The following FANCA variants were observed in gnomAD, a reference collection of about 807,000 sequenced individuals.
FANCA encodes Fanconi anemia group A protein.
Under a neutral mutation model 194.3 loss-of-function variants are expected in FANCA, and 236 were observed. The ratio of observed to expected loss-of-function variants is 1.21; its 90% confidence interval spans 1.09 to 1.35. The LOEUF is 1.35. Among genes scored for constraint, FANCA ranks in the 40% most tolerant of loss-of-function variants. FANCA has a pLI of 0.00. For missense variants in FANCA, 2,628 were observed against 1,813.9 expected (o/e 1.45, Z -8.15); for synonymous variants, 1,014 against 715.8 (o/e 1.42, Z -6.65).
At chr16:89,738,787 G>A (rs913443728) in intron 42 of FANCA, 79 bp from the exon 43 acceptor site, 3 of 1,613,014 alleles carry the variant, frequency 1.9e-6, no homozygotes, top group Non-Finnish European at 1.7e-6. Context: ...GGCAGAAATA[G>A]TCGAGTTGTA....
rs1365352800 is a variant in FANCA at position 89,739,214 on chromosome 16, C to A, written c.4086G>T (p.Leu1362Phe). The A allele has an allele frequency of 6.2e-7, 1 of 1,614,044 alleles. No individual in the cohort carries two copies. Among genetic ancestry groups the A allele is most frequent in the Non-Finnish European group, 8.5e-7 (1 of 1,180,048 alleles). Residue 1362 changes from leucine to phenylalanine, a missense_variant, in exon 41 of 43, where the codon TTG (leucine) becomes TTT (phenylalanine). Leu to Phe is a conservative substitution (Grantham distance 22). Coordinates refer to ENST00000389301, the MANE Select transcript of FANCA (RefSeq NM_000135.4). ...AFLHVAVDMY[L>F]KLVQLFVAGD... ...CAGCCACGAAGAGCTGGACCAGCTT[C>A]AAGTACATGTCCACAGCAACATGCA...
In FANCA at chr16:89,791,465, C is replaced by T. The variant is rs753987812; in HGVS notation, c.1297G>A (p.Val433Ile). The change falls in exon 14 of 43, where the codon GTT becomes ATT. Residue 433 changes from valine to isoleucine, a missense_variant. Val to Ile is a conservative substitution (Grantham distance 29). Coordinates refer to ENST00000389301, the MANE Select transcript of FANCA (RefSeq NM_000135.4). ...CCCTCCAGTGCTGCCTGGCGCACAA[C>T]CAGGAACGCAGTGACCATGCTGTCC... ...QLDSMVTAFL[V>I]VRQAALEGPS... The T allele has an allele frequency of 1.2e-6, 2 of 1,614,030 alleles. No individual in the cohort carries two copies. The highest frequency in any genetic ancestry group is 1.7e-6 in the Non-Finnish European group (2 of 1,180,036).
intron 33 of FANCA, among the ~76,000 whole-genome samples, chr16:89,747,800 A>T (rs924410343): frequency 6.6e-6 from 1 of 152,198 alleles, no homozygotes; most frequent in African/African-American, 2.4e-5. Flanking sequence ...CTTCAAAAAC[A>T]AGAAAAAGGC....
At position 89,764,911 on chromosome 16, in the gene FANCA, C is replaced by T. The variant is rs1158756394; in HGVS notation, c.2757G>A (p.Val919=). The part of the protein sequence containing the change: ...SLWTHRTFRE[V]LKEEDVHLTY... ...CTACGTGAACATCTTCCTCTTTCAA[C>T]ACCTCTCGGAAGGTTCTGTGTGTCC... Residue 919 remains valine (V), a synonymous_variant, in exon 28 of 43, where the codon GTG becomes GTA. Transcript: ENST00000389301. 6.2e-7 allele frequency: 1 copy of T among 1,614,168 alleles called. No individual in the cohort carries two copies. Among genetic ancestry groups the T allele is most frequent in the Non-Finnish European group, 8.5e-7 (1 of 1,180,004 alleles).
chr16:89,754,164 G>A (rs995040780), intron 30 of FANCA, among the ~76,000 whole-genome samples: 4 of 151,652 alleles, frequency 2.6e-5, no homozygotes, highest in African/African-American at 4.8e-5. Flanking sequence ...GAAGGTTTCG[G>A]TAAGCCGAGA....
intron 35 of FANCA, 27 bp from the exon 36 acceptor site, chr16:89,745,098 T>A: frequency 6.4e-7 from 1 of 1,551,776 alleles, no homozygotes; most frequent in Non-Finnish European, 8.7e-7. Context: ...AGCACACAGA[T>A]GAGGGTGGCT....
chr16:89,757,900 CAG>C (rs2038817879), intron 30 of FANCA, among the ~76,000 whole-genome samples: 2 of 152,108 alleles, frequency 1.3e-5, no homozygotes, highest in East Asian at 1.9e-4. Context: ...TTTTTTGAGA[CAG>C]AGTCTTGCTC....
intron 10 of FANCA, chr16:89,798,261 G>T: frequency 1.2e-6 from 1 of 868,028 alleles, no homozygotes; most frequent in Non-Finnish European, 1.4e-6. Flanking sequence ...CCAACTTCCA[G>T]CCTCCACTGC....
At chr16:89,814,302 T>C (rs2041015682) in intron 3 of FANCA, among the ~76,000 whole-genome samples, 1 of 152,156 alleles carries the variant, frequency 6.6e-6, no homozygotes, top group Non-Finnish European at 1.5e-5. Flanking sequence ...TCCTACTGCT[T>C]CTGAGTCGCA....
intron 2 of FANCA, among the ~76,000 whole-genome samples, chr16:89,815,099 G>A (rs777093820): frequency 1.3e-5 from 2 of 151,832 alleles, no homozygotes; most frequent in Non-Finnish European, 2.9e-5. Flanking sequence ...GTGCAATGGC[G>A]GGATCTCACT....
rs761524155 is a variant in FANCA, at chr16:89,765,021, G to C, written c.2647C>G (p.Leu883Val). 1.9e-6 allele frequency: 3 copies of C among 1,614,250 alleles called. No individual in the cohort carries two copies. Among genetic ancestry groups the C allele is most frequent in the Admixed American group, 1.7e-5 (1 of 60,026 alleles). ...AGGCTGGCTACGTCCTCCTCAGAAAGAGGCTGTCGGGCCTCTGAGAACAAT... is the reference window on the plus strand; with the variant it reads ...AGGCTGGCTACGTCCTCCTCAGAAACAGGCTGTCGGGCCTCTGAGAACAAT... ...FRLFSEARQP[L>V]SEEDVASLSW... The change falls in exon 28 of 43, where the codon CTT becomes GTT. Residue 883 changes from leucine (L) to valine (V), a missense_variant. Leu to Val is a conservative substitution (Grantham distance 32). Transcript: ENST00000389301.
Position 89,810,230 on chromosome 16 carries a change from G to A in FANCA, c.522+477C>T, listed in dbSNP as rs551412695. Among the ~76,000 whole-genome samples the A allele has an allele frequency of 5.1e-3, 771 of 151,552 alleles. 5 individuals carry two copies. Among genetic ancestry groups the A allele is most frequent in the African/African-American group, 0.018 (748 of 41,304 alleles). On this transcript the variant is annotated intron_variant, in intron 5 of 42. Transcript: ENST00000389301. Reference sequence around the variant, plus strand: ...CCCAGCTACTCGGGAGGCTGAGGCAGGAGAATGGCGTGAACCTGGGAGGTG... The same window carrying A: ...CCCAGCTACTCGGGAGGCTGAGGCAAGAGAATGGCGTGAACCTGGGAGGTG...
At chr16:89,790,653 G>A (rs193163009) in intron 14 of FANCA, among the ~76,000 whole-genome samples, 3 of 151,684 alleles carry the variant, frequency 2.0e-5, no homozygotes, top group Admixed American at 1.3e-4. Flanking sequence ...AGCTTGAAAC[G>A]GGGCAGCGGA....
Position 89,791,921 on chromosome 16 carries a change from G to A in FANCA, c.1225+6C>T, listed in dbSNP as rs1314635498. 17 of 1,614,112 alleles carry A rather than the reference G, an allele frequency of 1.1e-5. No individual in the cohort carries two copies. The highest frequency in any genetic ancestry group is 1.7e-5 in the Admixed American group (1 of 60,014). ...CCAGCACCACCGGGCTCGCGTAAAA[G>A]CTCACCTTCAAGCAGCTGCTGCGCT... is the stretch of plus-strand genomic sequence containing the variant. On this transcript the variant is annotated splice_donor_region_variant and intron_variant, in intron 13 of 42. Coordinates refer to ENST00000389301, the MANE Select transcript of FANCA (RefSeq NM_000135.4).
At chr16:89,801,318 C>G (rs1378221938) in intron 8 of FANCA, among the ~76,000 whole-genome samples, 2 of 133,362 alleles carry the variant, frequency 1.5e-5, no homozygotes, top group East Asian at 2.1e-4. Flanking sequence ...CACTCCAGCC[C>G]GGGCGACAGA....
intron 20 of FANCA, among the ~76,000 whole-genome samples, chr16:89,776,433 C>T (rs1567623634): frequency 1.3e-5 from 2 of 151,614 alleles, no homozygotes; most frequent in Admixed American, 1.3e-4. Flanking sequence ...TCCCAAAGTG[C>T]TGGGATTACA....
intron 35 of FANCA, 102 bp from the exon 36 acceptor site, chr16:89,745,173 G>A: frequency 1.8e-6 from 2 of 1,100,072 alleles, no homozygotes; most frequent in East Asian, 2.6e-5. Context: ...GGCCACTACA[G>A]GCCCACACTC....
rs946896115 is a variant in FANCA, at chr16:89,808,128, A to C, written c.596+166T>G. ...CGTTCTCTTGAAATAATAAAGCAAT[A>C]GTTCCTCCAGGTCTAGTCTAGTATA... On this transcript the variant is annotated intron_variant, in intron 6 of 42. Coordinates refer to ENST00000389301, the MANE Select transcript of FANCA (RefSeq NM_000135.4). Among the ~76,000 whole-genome samples the C allele has an allele frequency of 1.2e-4, 19 of 152,210 alleles. 1 individual carries two copies. The highest frequency in any genetic ancestry group is 7.9e-4 in the Admixed American group (12 of 15,282).
intron 8 of FANCA, 113 bp from the exon 9 acceptor site, chr16:89,799,751 C>A (rs1465012970): frequency 3.2e-6 from 3 of 933,078 alleles, no homozygotes; most frequent in Non-Finnish European, 5.2e-6. Context: ...AACGGCACTT[C>A]AGGAGGCCGA....
Sources: gnomAD v4.1 joint callset for allele counts (sites outside exome capture counted in the v4.1 genomes callset) on GRCh38, gnomAD v4.1.1 for gene constraint, MANE v1.5 for transcripts, NCBI Gene and HGNC (gene_info 2026-07-23, HGNC 2026-07-21) for gene names.